The following FSTL5 variants were observed in gnomAD, a reference collection of about 807,000 sequenced individuals.
FSTL5 encodes the protein follistatin-related protein 5.
A neutral mutation model predicts 89.1 loss-of-function variants in FSTL5; 62 were observed. That is an observed-to-expected ratio of 0.70 (90% CI 0.57 to 0.86). FSTL5 has a LOEUF of 0.86. FSTL5 is among the 40% of genes least tolerant of loss of function. The pLI, the probability that FSTL5 is intolerant of heterozygous loss-of-function variation, is 0.00. For synonymous variants in FSTL5, 383 were observed against 346.2 expected (o/e 1.11, Z -1.18); for missense variants, 1,057 against 1,001.6 (o/e 1.06, Z -0.75).
In FSTL5 at chr4:161,604,746, T is replaced by G. The variant is rs191355872; in HGVS notation, c.895-17171A>C. On this transcript the variant is annotated intron_variant, in intron 7 of 15. Coordinates refer to ENST00000306100, the MANE Select transcript of FSTL5 (RefSeq NM_020116.5). ...ATTGGGAAAATCTGCCCATGGGGAC[T>G]GCTGTAAACTGCTTTTTATCAAGCA... Among the ~76,000 whole-genome samples the G allele has an allele frequency of 5.7e-3, 870 of 152,284 alleles. 11 individuals carry two copies. The highest frequency in any genetic ancestry group is 0.02 in the African/African-American group (840 of 41,562).
chr4:161,969,312 G>C (rs374809573), intron 3 of FSTL5, among the ~76,000 whole-genome samples: 90 of 152,120 alleles, frequency 5.9e-4, no homozygotes, highest in African/African-American at 2.1e-3. Flanking sequence ...ATCCACCCAA[G>C]TGTTGAAAAT....
chr4:162,109,821 C>T (rs76617665), intron 2 of FSTL5, among the ~76,000 whole-genome samples: 4,766 of 152,060 alleles, frequency 0.031, 94 homozygotes, highest in Admixed American at 0.05. Flanking sequence ...AAGCATAATT[C>T]CTCATTTCAA....
chr4:161,739,879 C>T (rs1739945722), intron 6 of FSTL5, among the ~76,000 whole-genome samples: 1 of 151,770 alleles, frequency 6.6e-6, no homozygotes, highest in Non-Finnish European at 1.5e-5. Flanking sequence ...GAGATAATAT[C>T]TGGTTTCTTT....
chr4:162,126,960 A>T (rs1209104594), intron 1 of FSTL5, among the ~76,000 whole-genome samples: 1 of 152,158 alleles, frequency 6.6e-6, no homozygotes, highest in Non-Finnish European at 1.5e-5. Context: ...TTGCAGATTC[A>T]GTCACCAGCC....
chr4:161,587,487 T>G lies in FSTL5; in HGVS notation c.983A>C (p.Gln328Pro). ...NYTCYADGYE[Q>P]VYQTHIFQVN... is the part of the protein sequence containing the mutation. ...TTGGAAGATGTGAGTCTGATAGACTTGTTCATAGCCATCTGCATAGCAGGT... is the reference window on the plus strand; with the variant it reads ...TTGGAAGATGTGAGTCTGATAGACTGGTTCATAGCCATCTGCATAGCAGGT... The change falls in exon 8 of 16, where the codon CAA (glutamine) becomes CCA (proline). Residue 328 changes from glutamine to proline, a missense_variant. By Grantham distance (76) the Gln-to-Pro change is moderately conservative. Transcript: ENST00000306100. The G allele has an allele frequency of 6.2e-7, 1 of 1,613,408 alleles. No homozygotes were observed. Among genetic ancestry groups the G allele is most frequent in the Non-Finnish European group, 8.5e-7 (1 of 1,179,550 alleles).
chr4:161,493,067 T>C (rs1413877070), intron 12 of FSTL5, among the ~76,000 whole-genome samples: 1 of 151,986 alleles, frequency 6.6e-6, no homozygotes, highest in African/African-American at 2.4e-5. Flanking sequence ...TTGTGAGAAC[T>C]ATTGTTGAAA....
At chr4:161,636,444 T>C (rs990297953) in intron 7 of FSTL5, among the ~76,000 whole-genome samples, 3 of 122,754 alleles carry the variant, frequency 2.4e-5, no homozygotes, top group East Asian at 4.8e-4. Flanking sequence ...ATTCTGGCAG[T>C]TGTTTTTTTT....
intron 4 of FSTL5, among the ~76,000 whole-genome samples, chr4:161,890,583 G>A (rs1286247069): frequency 6.6e-6 from 1 of 151,124 alleles, no homozygotes; most frequent in African/African-American, 2.4e-5. Flanking sequence ...AGCTACTCAG[G>A]AGGCTGAGGC....
intron 12 of FSTL5, among the ~76,000 whole-genome samples, chr4:161,488,740 G>A (rs893207548): frequency 2.0e-5 from 3 of 152,010 alleles, no homozygotes; most frequent in African/African-American, 4.8e-5. Context: ...GGAAATTATC[G>A]ATGTACTACA....
intron 1 of FSTL5, among the ~76,000 whole-genome samples, chr4:162,146,681 TTCCCTTCCCTTCCCTTCCCTTCC>T (rs1733001432): frequency 1.2e-5 from 1 of 83,326 alleles, no homozygotes; most frequent in African/African-American, 4.3e-5. Flanking sequence ...TTCCCTTCCC[TTCCCTTCCCTTCCCTTCCCTTCC>T]CTTCCCCTTC....
chr4:161,470,782 A>C (rs907304727), intron 13 of FSTL5, among the ~76,000 whole-genome samples: 1 of 152,100 alleles, frequency 6.6e-6, no homozygotes, highest in African/African-American at 2.4e-5. Context: ...AATATTTTGT[A>C]ATTTCCCTTG....
intron 10 of FSTL5, among the ~76,000 whole-genome samples, chr4:161,525,463 G>A (rs1250687064): frequency 6.6e-6 from 1 of 152,108 alleles, no homozygotes; most frequent in Non-Finnish European, 1.5e-5. Flanking sequence ...CACATACTTT[G>A]TAAGGTAACT....
At chr4:161,848,538 A>T (rs4691799) in intron 4 of FSTL5, among the ~76,000 whole-genome samples, 106,981 of 152,084 alleles carry the variant, frequency 0.7, 37,916 homozygotes, top group Non-Finnish European at 0.75. Flanking sequence ...GTTTCAGGAA[A>T]TTAATATATT....
chr4:161,567,251 A>C (rs181235130), intron 8 of FSTL5, among the ~76,000 whole-genome samples: 1 of 152,250 alleles, frequency 6.6e-6, no homozygotes, highest in Admixed American at 6.6e-5. Flanking sequence ...ACACAGAGAA[A>C]GAGATTAGAT....
chr4:161,419,385 A>G (rs1179886342), intron 15 of FSTL5, among the ~76,000 whole-genome samples: 1 of 152,172 alleles, frequency 6.6e-6, no homozygotes, highest in African/African-American at 2.4e-5. Flanking sequence ...TAAGGACATT[A>G]AAAAAATGTA....
intron 15 of FSTL5, among the ~76,000 whole-genome samples, chr4:161,410,425 T>C (rs1731546039): frequency 6.6e-6 from 1 of 152,162 alleles, no homozygotes; most frequent in Non-Finnish European, 1.5e-5. Flanking sequence ...GAGTATACAT[T>C]TTTCGCATCT....
rs540143626 is a variant in FSTL5, at chr4:161,487,761, T to C, written c.1459-6592A>G. 7.9e-5 allele frequency among the ~76,000 whole-genome samples: 12 copies of C among 152,202 alleles called. No individual in the cohort carries two copies. The South Asian group carries it at 1.7e-3, about 21-fold the overall frequency. On this transcript the variant is annotated intron_variant, in intron 12 of 15. Transcript: ENST00000306100. ...CACAATCTGAGTCTATTGCTGTAAA[T>C]TTTAAAAGTGAATAATAAAATACTT... is the stretch of plus-strand genomic sequence containing the variant.
intron 13 of FSTL5, among the ~76,000 whole-genome samples, chr4:161,476,627 C>T (rs552110638): frequency 3.3e-5 from 5 of 152,292 alleles, no homozygotes; most frequent in African/African-American, 1.2e-4. Flanking sequence ...CAACTGGTCA[C>T]TTTCTAATTT....
intron 6 of FSTL5, among the ~76,000 whole-genome samples, chr4:161,727,426 G>A (rs570668373): frequency 1.3e-5 from 2 of 152,168 alleles, no homozygotes; most frequent in South Asian, 4.2e-4. Flanking sequence ...ATATTCCCAG[G>A]CAGACAGATA....
Sources: gnomAD v4.1 joint callset for allele counts (sites outside exome capture counted in the v4.1 genomes callset) on GRCh38, gnomAD v4.1.1 for gene constraint, MANE v1.5 for transcripts, NCBI Gene and HGNC (gene_info 2026-07-23, HGNC 2026-07-21) for gene names.